Variants in ZNF365 observed in about 807,000 individuals in gnomAD.
The protein encoded by ZNF365 is protein ZNF365.
In ZNF365, 22 loss-of-function variants were observed where a neutral mutation model predicts 35.0. The ratio of observed to expected loss-of-function variants is 0.63; its 90% CI spans 0.45 to 0.90. ZNF365 has a LOEUF of 0.90. Among genes scored for constraint, ZNF365 ranks in the 40% least tolerant of loss-of-function variants. ZNF365 has a pLI of 0.00. For synonymous variants in ZNF365, 188 were observed against 196.2 expected, an observed-to-expected ratio of 0.96 and a Z score of 0.35; for missense variants, 448 against 500.3, an observed-to-expected ratio of 0.90 and a Z score of 1.00.
At chr10:62,443,365 T>G (rs183081253) in intron 3 of ZNF365, among the ~76,000 whole-genome samples, 34 of 152,332 alleles carry the variant, frequency 2.2e-4, no homozygotes, top group Non-Finnish European at 4.1e-4. Flanking sequence ...ACTCCTTCTT[T>G]TGTGTATGCC....
chr10:62,461,861 C>T (rs571151851), intron 4 of ZNF365, among the ~76,000 whole-genome samples: 11 of 152,082 alleles, frequency 7.2e-5, no homozygotes, highest in Admixed American at 2.0e-4. Context: ...TCCTTTAATC[C>T]CTTCGACAAT....
At chr10:62,392,214 A>G (rs1352902693) in intron 3 of ZNF365, among the ~76,000 whole-genome samples, 1 of 151,988 alleles carries the variant, frequency 6.6e-6, no homozygotes, top group Non-Finnish European at 1.5e-5. Context: ...TACTCTGCTG[A>G]TTATTTCTTT....
chr10:62,476,314 C>G (rs1021667345), intron 4 of ZNF365, among the ~76,000 whole-genome samples: 16 of 152,116 alleles, frequency 1.1e-4, no homozygotes, highest in Non-Finnish European at 1.9e-4. Context: ...TTCTACAGAG[C>G]CTGATTTGGG....
intron 4 of ZNF365, among the ~76,000 whole-genome samples, chr10:62,477,127 A>G (rs1841145431): frequency 6.6e-6 from 1 of 152,222 alleles, no homozygotes; most frequent in Non-Finnish European, 1.5e-5. Flanking sequence ...CCATAATCCA[A>G]TGGAAGAGAA....
At chr10:62,395,731 G>A (rs1036869241) in intron 3 of ZNF365, among the ~76,000 whole-genome samples, 5 of 151,958 alleles carry the variant, frequency 3.3e-5, no homozygotes, top group African/African-American at 7.3e-5. Context: ...GGAAATGCTC[G>A]TTGGAGCATT....
chr10:62,383,576 A>G (rs934388416), intron 2 of ZNF365, among the ~76,000 whole-genome samples: 1 of 152,120 alleles, frequency 6.6e-6, no homozygotes, highest in Non-Finnish European at 1.5e-5. Flanking sequence ...ATAATACATG[A>G]TAGGATCAAC....
At chr10:62,432,877 C>T (rs959974475) in intron 3 of ZNF365, among the ~76,000 whole-genome samples, 2 of 152,012 alleles carry the variant, frequency 1.3e-5, no homozygotes, top group Non-Finnish European at 2.9e-5. Flanking sequence ...AGTTTCAGTC[C>T]CCAGAATATT....
At chr10:62,438,154 A>G (rs1197693887) in intron 3 of ZNF365, among the ~76,000 whole-genome samples, 1 of 151,826 alleles carries the variant, frequency 6.6e-6, no homozygotes, top group Non-Finnish European at 1.5e-5. Flanking sequence ...CAGGAATATT[A>G]TATCTGTTTT....
In ZNF365 at chr10:62,376,354, A is replaced by G; in HGVS notation, c.161A>G (p.Glu54Gly). 6.2e-7 allele frequency: 1 copy of G among 1,614,196 alleles called. No individual in the cohort carries two copies. Among genetic ancestry groups the G allele is most frequent in the Non-Finnish European group, 8.5e-7 (1 of 1,180,036 alleles). ...CATCTGGAGTTCAGTCACAGCTACGAAGAAAGAACCCTCTTGACAAAATGC... is the reference window on the plus strand; with the variant it reads ...CATCTGGAGTTCAGTCACAGCTACGGAGAAAGAACCCTCTTGACAAAATGC... Reference protein sequence around the residue: ...RAHLEFSHSYEERTLLTKCSL... With the variant: ...RAHLEFSHSYGERTLLTKCSL... Residue 54 changes from glutamate to glycine, a missense_variant, in exon 2 of 5, where the codon GAA becomes GGA. Physicochemically the swap from Glu to Gly is moderately conservative, Grantham distance 98 (BLOSUM62 -2). Around this residue, in one of 3 missense-constraint regions of ZNF365, gnomAD observed 76 missense variants for 96.7 expected, o/e 0.79. Coordinates refer to ENST00000395254, the MANE Select transcript of ZNF365 (RefSeq NM_014951.3).
rs534838014 is a variant in ZNF365 at position 62,396,902 on chromosome 10, A to G, written c.925-1838A>G. On this transcript the variant is annotated intron_variant, in intron 3 of 4. Transcript: ENST00000395254. Reference sequence around the variant, plus strand: ...TTATGCTCTAATAATTAAAAAAACAATAAGGAGAAAAGATTTAAAGGAAGA... The same window carrying G: ...TTATGCTCTAATAATTAAAAAAACAGTAAGGAGAAAAGATTTAAAGGAAGA... 3.3e-5 allele frequency among the ~76,000 whole-genome samples: 5 copies of G among 152,358 alleles called. No homozygotes were observed. In the East Asian group the frequency reaches 9.6e-4, roughly 29 times the overall value.
chr10:62,430,355 T>C (rs922415209), intron 3 of ZNF365, among the ~76,000 whole-genome samples: 5 of 151,830 alleles, frequency 3.3e-5, no homozygotes, highest in South Asian at 2.1e-4. Flanking sequence ...TAATTTTTTG[T>C]ATTTTTAGTA....
chr10:62,463,502 CCGGGA>C (rs1175501986), intron 4 of ZNF365, among the ~76,000 whole-genome samples: 1 of 152,208 alleles, frequency 6.6e-6, no homozygotes. Flanking sequence ...AGAAAAAGAG[CCGGGA>C]CAAATATGTG....
intron 3 of ZNF365, among the ~76,000 whole-genome samples, chr10:62,423,813 G>A (rs1056141055): frequency 6.6e-6 from 1 of 152,096 alleles, no homozygotes; most frequent in Non-Finnish European, 1.5e-5. Flanking sequence ...TTGATTTAGA[G>A]AGGAAATAAT....
In ZNF365 at chr10:62,451,399, C is replaced by T. The variant is rs137960611; in HGVS notation, c.925-8342C>T. Among the ~76,000 whole-genome samples the T allele has an allele frequency of 5.1e-3, 779 of 152,100 alleles. 4 individuals carry two copies. The highest frequency in any genetic ancestry group is 0.018 in the African/African-American group (744 of 41,468). On this transcript the variant is annotated intron_variant, in intron 3 of 4. Transcript: ENST00000395255. ...GGCCTCCAGGGTCTTCATGGCTTGGCAGCGACAAAAAGCTTGGCTCTCACT... is the reference window on the plus strand; with the variant it reads ...GGCCTCCAGGGTCTTCATGGCTTGGTAGCGACAAAAAGCTTGGCTCTCACT...
At chr10:62,408,494 A>C (rs1589440331) in intron 3 of ZNF365, among the ~76,000 whole-genome samples, 2 of 152,202 alleles carry the variant, frequency 1.3e-5, no homozygotes, top group African/African-American at 4.8e-5. Flanking sequence ...TTAATCGATT[A>C]GAGCCTCATT....
intron 2 of ZNF365, among the ~76,000 whole-genome samples, chr10:62,382,318 C>T (rs906954900): frequency 3.3e-5 from 5 of 152,114 alleles, no homozygotes; most frequent in Non-Finnish European, 2.9e-5. Flanking sequence ...TAGAGGTCAG[C>T]GGGGTGGAGA....
chr10:62,438,640 A>C (rs1419513125), intron 3 of ZNF365, among the ~76,000 whole-genome samples: 1 of 152,260 alleles, frequency 6.6e-6, no homozygotes. Flanking sequence ...ATATAACATT[A>C]GATCAAGTCA....
chr10:62,392,838 AC>A (rs1427062043), intron 3 of ZNF365, among the ~76,000 whole-genome samples: 1 of 151,844 alleles, frequency 6.6e-6, no homozygotes, highest in Non-Finnish European at 1.5e-5. Context: ...CACCACATTG[AC>A]CAGGCGGGTC....
chr10:62,473,833 C>G (rs559987818), intron 4 of ZNF365, among the ~76,000 whole-genome samples: 1 of 152,284 alleles, frequency 6.6e-6, no homozygotes, highest in South Asian at 2.1e-4. Flanking sequence ...TTCACTCTAA[C>G]AAGAACTCCA....
Sources: gnomAD v4.1 joint callset for allele counts (sites outside exome capture counted in the v4.1 genomes callset) on GRCh38, gnomAD v4.1.1 for gene constraint, gnomAD v4.1.1 regional missense constraint, MANE v1.5 for transcripts, NCBI Gene and HGNC (gene_info 2026-07-23, HGNC 2026-07-21) for gene names.